The following ESR1 variants were observed in gnomAD, a reference collection of about 807,000 sequenced individuals.
ESR1 encodes estrogen receptor 1.
Under a neutral mutation model 52.7 loss-of-function variants are expected in ESR1, and 12 were observed. The ratio of observed to expected loss-of-function variants is 0.23; its 90% CI spans 0.15 to 0.37. The LOEUF (loss-of-function observed/expected upper bound fraction) is 0.37, where lower values mean the gene tolerates loss of function less well. Among genes scored for constraint, ESR1 ranks in the 10% least tolerant of loss-of-function variants. The pLI, the probability that ESR1 is intolerant of heterozygous loss-of-function variation, is 1.00. For missense variants in ESR1, 584 were observed against 779.7 expected (o/e 0.75, Z 2.99); for synonymous variants, 305 against 316.8 (o/e 0.96, Z 0.39).
intron 5 of ESR1, among the ~76,000 whole-genome samples, chr6:152,025,986 TAGAC>T (rs1480347663): frequency 1.3e-5 from 2 of 152,038 alleles, no homozygotes; most frequent in African/African-American, 2.4e-5. Context: ...AGTTGTTTAA[TAGAC>T]AGTTTAATTT....
intron 1 of ESR1, among the ~76,000 whole-genome samples, chr6:151,813,007 G>A (rs1031615905): frequency 2.6e-5 from 4 of 151,360 alleles, no homozygotes; most frequent in South Asian, 2.1e-4. Context: ...TCGCTACTTC[G>A]TCTCTAAAAT....
At chr6:151,955,663 A>G (rs537752030) in intron 4 of ESR1, among the ~76,000 whole-genome samples, 8 of 151,926 alleles carry the variant, frequency 5.3e-5, no homozygotes, top group African/African-American at 1.9e-4. Context: ...TAGTACAAAC[A>G]GTTTCATTTC....
chr6:151,954,387 G>A (rs2036669043), intron 4 of ESR1, among the ~76,000 whole-genome samples: 1 of 152,210 alleles, frequency 6.6e-6, no homozygotes, highest in Non-Finnish European at 1.5e-5. Context: ...GCTGTATCTA[G>A]CAAAGCCCCT....
chr6:151,914,881 T>C (rs949829788), intron 3 of ESR1, among the ~76,000 whole-genome samples: 1 of 152,190 alleles, frequency 6.6e-6, no homozygotes, highest in Non-Finnish European at 1.5e-5. Context: ...GTTGTAACCA[T>C]TTTAATAAAA....
chr6:151,669,171 A>AGG (rs1181837324), intron 1 of ESR1, among the ~76,000 whole-genome samples: 27 of 106,636 alleles, frequency 2.5e-4, no homozygotes, highest in African/African-American at 9.0e-4. Context: ...AGAGAGAGAG[A>AGG]GAGAGAGAGA....
intron 3 of ESR1, among the ~76,000 whole-genome samples, chr6:151,928,138 A>T (rs2033041341): frequency 6.6e-6 from 1 of 152,156 alleles, no homozygotes; most frequent in Non-Finnish European, 1.5e-5. Context: ...TTTTATTGGC[A>T]TCTGCTCTAA....
chr6:152,120,037 C>G (rs896526695), intron 6 of ESR1, among the ~76,000 whole-genome samples: 1 of 152,224 alleles, frequency 6.6e-6, no homozygotes, highest in African/African-American at 2.4e-5. Flanking sequence ...GGAATGTATG[C>G]TAAGATTTTT....
At chr6:152,020,405 C>T (rs2043535743) in intron 5 of ESR1, among the ~76,000 whole-genome samples, 1 of 152,040 alleles carries the variant, frequency 6.6e-6, no homozygotes, top group Non-Finnish European at 1.5e-5. Context: ...TGTGTTAGTA[C>T]TGCTTGGATC....
intron 5 of ESR1, among the ~76,000 whole-genome samples, chr6:152,057,341 CTA>C (rs1212038203): frequency 6.6e-6 from 1 of 152,170 alleles, no homozygotes; most frequent in African/African-American, 2.4e-5. Flanking sequence ...TTTAGCAAAA[CTA>C]TCATCAGAAT....
intron 6 of ESR1, chr6:152,122,541 G>A: frequency 6.2e-7 from 1 of 1,614,218 alleles, no homozygotes; most frequent in African/African-American, 1.3e-5. Context: ...TTGGTACAAG[G>A]CAGGCAAGCC....
upstream of ESR1, among the ~76,000 whole-genome samples, chr6:151,803,950 T>A (rs1302152149): frequency 6.6e-6 from 1 of 152,074 alleles, no homozygotes; most frequent in East Asian, 1.9e-4. Context: ...AGCAGACCGC[T>A]GGAAAAGTGG....
intron 1 of ESR1, among the ~76,000 whole-genome samples, chr6:151,823,502 A>G (rs889482708): frequency 1.3e-5 from 2 of 152,072 alleles, no homozygotes; most frequent in African/African-American, 4.8e-5. Flanking sequence ...TTTAAATTCT[A>G]GGGTACATGT....
chr6:152,064,256 G>T (rs1039519447), intron 6 of ESR1, among the ~76,000 whole-genome samples: 1 of 152,182 alleles, frequency 6.6e-6, no homozygotes, highest in Non-Finnish European at 1.5e-5. Context: ...ATGGGCCCAG[G>T]GCAAAAGCCC....
intron 2 of ESR1, among the ~76,000 whole-genome samples, chr6:151,751,296 A>G (rs1360948079): frequency 6.6e-6 from 1 of 152,250 alleles, no homozygotes; most frequent in East Asian, 1.9e-4. Flanking sequence ...TATTTGGTCC[A>G]TAATTGTACA....
At chr6:152,105,937 G>A (rs1382308044), downstream of ESR1, among the ~76,000 whole-genome samples, 9 of 150,404 alleles carry the variant, frequency 6.0e-5, no homozygotes, top group Non-Finnish European at 8.9e-5. Context: ...ACAGGCGCCC[G>A]CCACCGCGCC....
In ESR1 at chr6:152,013,604, A is replaced by T. The variant is rs151263949; in HGVS notation, c.1235+1810A>T. Among the ~76,000 whole-genome samples, 203 of 152,180 alleles carry T rather than the reference A, an allele frequency of 1.3e-3. 2 individuals carry two copies. Among genetic ancestry groups the T allele is most frequent in the African/African-American group, 4.7e-3 (196 of 41,546 alleles). On this transcript the variant is annotated intron_variant, in intron 5 of 7. Coordinates refer to ENST00000206249, the MANE Select transcript of ESR1 (RefSeq NM_000125.4). ...GTCATCAAATAATTGCATTTTGAAT[A>T]TGTGAAGGTTTTTGACATTACTGCA... is the stretch of plus-strand genomic sequence containing the variant.
intron 5 of ESR1, among the ~76,000 whole-genome samples, chr6:152,046,140 C>T (rs1265624921): frequency 1.3e-5 from 2 of 152,188 alleles, no homozygotes; most frequent in Non-Finnish European, 2.9e-5. Context: ...GTTGCAGCAT[C>T]ACATATAATT....
chr6:151,982,732 TTAA>T (rs2040116241), intron 4 of ESR1, among the ~76,000 whole-genome samples: 1 of 151,970 alleles, frequency 6.6e-6, no homozygotes, highest in Non-Finnish European at 1.5e-5. Context: ...TTCATTAATT[TTAA>T]TAATATATTC....
chr6:151,942,777 T>C (rs930286747), intron 3 of ESR1, among the ~76,000 whole-genome samples: 1 of 152,166 alleles, frequency 6.6e-6, no homozygotes, highest in African/African-American at 2.4e-5. Context: ...AGAGCATTTA[T>C]TTCTCATGTC....
Sources: gnomAD v4.1 joint callset for allele counts (sites outside exome capture counted in the v4.1 genomes callset) on GRCh38, gnomAD v4.1.1 for gene constraint, MANE v1.5 for transcripts, NCBI Gene and HGNC (gene_info 2026-07-23, HGNC 2026-07-21) for gene names.